The following GRIK3 variants were observed in gnomAD, a reference collection of about 807,000 sequenced individuals.
GRIK3 encodes the protein glutamate receptor ionotropic, kainate 3.
In GRIK3, 29 loss-of-function variants were observed where a neutral mutation model predicts 102.5. The observed-to-expected ratio is 0.28, with a 90% CI of 0.21 to 0.39. The LOEUF (loss-of-function observed/expected upper bound fraction) is 0.39, where lower values mean the gene tolerates loss of function less well. Ranked by LOEUF, GRIK3 falls within the 10% of genes least tolerant of loss-of-function variation. GRIK3 has a pLI of 1.00. For missense variants in GRIK3, 908 were observed against 1,252.4 expected (o/e 0.73, Z 4.15); for synonymous variants, 511 against 504.9 (o/e 1.01, Z -0.16).
chr1:36,982,118 G>C (rs1015702131), intron 1 of GRIK3, among the ~76,000 whole-genome samples: 1 of 152,164 alleles, frequency 6.6e-6, no homozygotes, highest in African/African-American at 2.4e-5. Flanking sequence ...AGCCAGGACA[G>C]GTTAGGACAT....
chr1:36,862,250 A>G (rs1466207905), intron 5 of GRIK3, among the ~76,000 whole-genome samples: 1 of 152,138 alleles, frequency 6.6e-6, no homozygotes, highest in Non-Finnish European at 1.5e-5. Flanking sequence ...TGGTAGGAGT[A>G]TTTGTACCAT....
At chr1:36,946,163 G>C (rs1273114165) in intron 1 of GRIK3, among the ~76,000 whole-genome samples, 1 of 152,040 alleles carries the variant, frequency 6.6e-6, no homozygotes, top group Admixed American at 6.5e-5. Context: ...CAGGCCAGGG[G>C]ACAGGAGAGC....
chr1:36,938,517 T>C (rs1349800399), intron 1 of GRIK3, among the ~76,000 whole-genome samples: 7 of 152,140 alleles, frequency 4.6e-5, no homozygotes, highest in Admixed American at 4.6e-4. Flanking sequence ...GAGAAATGTG[T>C]TTTCAGCCTG....
intron 11 of GRIK3, among the ~76,000 whole-genome samples, chr1:36,824,541 A>G (rs115734825): frequency 2.6e-3 from 397 of 152,208 alleles, no homozygotes; most frequent in African/African-American, 9.1e-3. Flanking sequence ...GAAGGGAGTG[A>G]AGTGGGGGGA....
chr1:36,958,996 G>A (rs115221656), intron 1 of GRIK3, among the ~76,000 whole-genome samples: 1,941 of 112,576 alleles, frequency 0.017, 196 homozygotes, highest in Middle Eastern at 0.058. Flanking sequence ...GAGTTTGTGA[G>A]TCTGTGCCCC....
At chr1:36,881,277 G>C (rs1040321674) in intron 2 of GRIK3, among the ~76,000 whole-genome samples, 2 of 152,182 alleles carry the variant, frequency 1.3e-5, no homozygotes, top group African/African-American at 4.8e-5. Context: ...CAAACTGGCT[G>C]ATGGTGCTTC....
At chr1:36,927,157 G>A (rs1277563478) in intron 1 of GRIK3, among the ~76,000 whole-genome samples, 1 of 152,164 alleles carries the variant, frequency 6.6e-6, no homozygotes, top group African/African-American at 2.4e-5. Flanking sequence ...AGGCTCCAGG[G>A]GAGACAGAGA....
chr1:37,008,208 T>G lies in GRIK3; in HGVS notation c.115+25786A>C, dbSNP rs547481880. Among the ~76,000 whole-genome samples the G allele has an allele frequency of 7.9e-5, 12 of 152,312 alleles. 1 individual carries two copies. The South Asian group carries it at 2.5e-3, about 32-fold the overall frequency. On this transcript the variant is annotated intron_variant, in intron 1 of 15. Coordinates refer to ENST00000373091, the MANE Select transcript of GRIK3 (RefSeq NM_000831.4). ...CTGGGGTAGAAAGGAAGAGCCAGAC[T>G]TGGGGCTCAGAGGGCTCTAGGTGCA...
chr1:36,916,121 T>C (rs909597998), intron 1 of GRIK3, among the ~76,000 whole-genome samples: 4 of 152,216 alleles, frequency 2.6e-5, no homozygotes, highest in Non-Finnish European at 5.9e-5. Context: ...TGTTGGAAAC[T>C]GGAGCAAAGC....
At chr1:36,960,559 G>A (rs937362386) in intron 1 of GRIK3, among the ~76,000 whole-genome samples, 1 of 152,258 alleles carries the variant, frequency 6.6e-6, no homozygotes, top group Non-Finnish European at 1.5e-5. Flanking sequence ...CTAAGCAACC[G>A]CCTCTAGGCA....
chr1:36,807,906 A>G (rs1642518022), intron 13 of GRIK3, among the ~76,000 whole-genome samples: 1 of 152,174 alleles, frequency 6.6e-6, no homozygotes, highest in South Asian at 2.1e-4. Context: ...AGATGCCTGC[A>G]GCTCTCACTG....
chr1:36,941,052 C>T (rs369611606), intron 1 of GRIK3, among the ~76,000 whole-genome samples: 14 of 152,332 alleles, frequency 9.2e-5, no homozygotes, highest in Non-Finnish European at 1.6e-4. Flanking sequence ...TTTCTGCCCC[C>T]GTAAGTGGTT....
chr1:36,799,283 A>T lies in GRIK3; in HGVS notation c.*2568T>A, dbSNP rs990441737. 3.3e-5 allele frequency: 5 copies of T among 152,218 alleles called. No homozygotes were observed. The highest frequency in any genetic ancestry group is 1.3e-4 in the Admixed American group (2 of 15,276). 9.4% of individuals were successfully genotyped at this position (152,218 alleles called of 1,614,324 possible). A position where few individuals can be genotyped will look rare whatever the true frequency, so the allele number is the denominator to read the frequency against. On this transcript the variant is annotated 3_prime_UTR_variant, in exon 16 of 16. Transcript: ENST00000373091. ...TCTGTGACAAATGATCTCTCCCATG[A>T]CAGAAGTGCAAACAGACCCTGGTGC...
chr1:36,944,174 AAGG>A (rs1425794347), intron 1 of GRIK3, among the ~76,000 whole-genome samples: 2 of 152,074 alleles, frequency 1.3e-5, no homozygotes, highest in African/African-American at 4.8e-5. Flanking sequence ...TATTCCCCAA[AAGG>A]AGGAGGGGAA....
chr1:36,854,441 C>T (rs1285549082), intron 7 of GRIK3, among the ~76,000 whole-genome samples: 3 of 152,106 alleles, frequency 2.0e-5, no homozygotes, highest in Non-Finnish European at 2.9e-5. Context: ...ATTTTTGTAT[C>T]GTCATTAGCG....
rs144810828 is a variant in GRIK3 at position 36,841,815 on chromosome 1, C to T, written c.1451G>A (p.Arg484Gln). 6.8e-6 allele frequency: 11 copies of T among 1,614,196 alleles called. No individual in the cohort carries two copies. Among genetic ancestry groups the T allele is most frequent in the African/African-American group, 4.0e-5 (3 of 75,054 alleles). Residue 484 changes from arginine (R) to glutamine (Q), a missense_variant, in exon 10 of 16, where the codon CGG (arginine) becomes CAG (glutamine). This residue lies in a region of GRIK3 where 585 missense variants were observed against 824.9 expected (regional missense o/e 0.71). Coordinates refer to ENST00000373091, the MANE Select transcript of GRIK3 (RefSeq NM_000831.4). The part of the protein sequence containing the change: ...AHILGFSYEI[R>Q]LVEDGKYGAQ... ...CCCGTACTTGCCGTCCTCCACCAGC[C>T]GGATCTCATAGGAGAAACCAAGGAT...
At chr1:36,840,970 T>C (rs1405001232) in intron 10 of GRIK3, among the ~76,000 whole-genome samples, 1 of 152,116 alleles carries the variant, frequency 6.6e-6, no homozygotes, top group East Asian at 1.9e-4. Context: ...ACATGCCCAA[T>C]TTACAGAGGG....
intron 7 of GRIK3, among the ~76,000 whole-genome samples, chr1:36,856,733 C>T (rs1365541574): frequency 6.6e-6 from 1 of 152,054 alleles, no homozygotes; most frequent in Non-Finnish European, 1.5e-5. Flanking sequence ...ACTCGTTGGG[C>T]CTGGGAAGGA....
Position 36,806,251 on chromosome 1 carries a change from C to G in GRIK3, c.2167G>C (p.Glu723Gln), listed in dbSNP as rs745837449. The G allele has an allele frequency of 1.2e-6, 2 of 1,614,022 alleles. No homozygotes were observed. The highest frequency in any genetic ancestry group is 8.5e-7 in the Non-Finnish European group (1 of 1,179,944). ...GTCAGGGCCCTCTGGATGCCCTCCT[C>G]GTTGTTCTTCACCAGCGCCGATGGC... ...SKPSALVKNN[E>Q]EGIQRALTAD... is the part of the protein sequence containing the mutation. Residue 723 changes from glutamate to glutamine, a missense_variant, in exon 14 of 16, where the codon GAG becomes CAG. Physicochemically the swap from Glu to Gln is conservative, Grantham distance 29. This residue lies in a region of GRIK3 where 297 missense variants were observed against 362.7 expected (regional missense o/e 0.82). Transcript: ENST00000373091. The surrounding 1 kb of genome is among the most constrained non-coding windows in gnomAD (Gnocchi z 4.0).
Sources: allele counts gnomAD v4.1 joint callset (sites outside exome capture counted in the v4.1 genomes callset), GRCh38; gene constraint gnomAD v4.1.1; regional missense constraint gnomAD v4.1.1; non-coding constraint Gnocchi (gnomAD v3.1); transcripts MANE v1.5; gene names NCBI Gene and HGNC (gene_info 2026-07-23, HGNC 2026-07-21).